The following ADARB2 variants were observed in gnomAD, a reference collection of about 807,000 sequenced individuals.
ADARB2 encodes the protein adenosine deaminase RNA specific B2 (inactive).
ADARB2 carries 25 observed loss-of-function variants against 62.2 expected under a neutral mutation model. That is an observed-to-expected ratio of 0.40 (90% CI 0.29 to 0.56). The LOEUF (loss-of-function observed/expected upper bound fraction) is 0.56. Ranked by LOEUF, ADARB2 falls within the 20% of genes least tolerant of loss-of-function variation. The probability of loss-of-function intolerance (pLI) is 0.43; values close to 1 mark genes in which losing one functional copy is unlikely to be tolerated. For synonymous variants in ADARB2, 572 were observed against 500.8 expected (o/e 1.14, Z -1.90); for missense variants, 1,071 against 1,077.4 (o/e 0.99, Z 0.08).
At chr10:1,260,552 A>G (rs866954661) in intron 4 of ADARB2, among the ~76,000 whole-genome samples, 3,857 of 151,976 alleles carry the variant, frequency 0.025, 62 homozygotes, top group Middle Eastern at 0.051. Context: ...CCCATTCACA[A>G]TTGCTTCAAA....
At chr10:1,651,738 C>T (rs1043566678) in intron 1 of ADARB2, among the ~76,000 whole-genome samples, 17 of 152,072 alleles carry the variant, frequency 1.1e-4, no homozygotes, top group African/African-American at 2.9e-4. Flanking sequence ...GCGTGGTGGG[C>T]GTGACTCTCG....
At chr10:1,690,182 A>C (rs901558818) in intron 1 of ADARB2, among the ~76,000 whole-genome samples, 4 of 152,244 alleles carry the variant, frequency 2.6e-5, no homozygotes, top group African/African-American at 9.6e-5. Context: ...CTAATGCCAC[A>C]GGGCTGTGCA....
rs938544944 is a variant in ADARB2, at chr10:1,633,706, A to G, written c.100+103345T>C. On this transcript the variant is annotated intron_variant, in intron 1 of 9. Coordinates refer to ENST00000381312, the MANE Select transcript of ADARB2 (RefSeq NM_018702.4). ...TGCACACACTATCTTATATTGAATA[A>G]TGCTGAGTAGTTTCCAAAATATTTT... Among the ~76,000 whole-genome samples, 3 of 152,088 alleles carry G rather than the reference A, an allele frequency of 2.0e-5. No individual in the cohort carries two copies. The East Asian group carries it at 5.8e-4, about 29-fold the overall frequency.
At chr10:1,403,424 A>G (rs1832681770) in intron 1 of ADARB2, among the ~76,000 whole-genome samples, 2 of 152,220 alleles carry the variant, frequency 1.3e-5, no homozygotes, top group Admixed American at 6.5e-5. Context: ...GGTCCTGGTC[A>G]GGTGTGGACT....
In ADARB2 at chr10:1,261,392, G is replaced by A. The variant is rs1362242460; in HGVS notation, c.1192+9563C>T. On this transcript the variant is annotated intron_variant, in intron 4 of 9. Transcript: ENST00000381312. ...ACCTACAAAATGGGAGAAAATTTTC[G>A]CAACCTACTCATCTGACAAAGGGCT... Among the ~76,000 whole-genome samples, 195 of 145,346 alleles carry A rather than the reference G, an allele frequency of 1.3e-3. 5 individuals are homozygous for A. The highest frequency in any genetic ancestry group is 2.8e-3 in the Admixed American group (42 of 14,782).
intron 3 of ADARB2, among the ~76,000 whole-genome samples, chr10:1,362,418 G>A (rs1050201747): frequency 3.9e-5 from 6 of 152,252 alleles, no homozygotes; most frequent in Admixed American, 1.3e-4. Flanking sequence ...CCTCCAACCG[G>A]TAACGCCCAG....
intron 1 of ADARB2, among the ~76,000 whole-genome samples, chr10:1,630,487 C>T (rs1366955155): frequency 2.6e-5 from 4 of 152,086 alleles, no homozygotes; most frequent in African/African-American, 7.2e-5. Flanking sequence ...TCAGAAGCCA[C>T]GAGTCATTTA....
At chr10:1,678,019 C>G (rs1480183797) in intron 1 of ADARB2, 3 of 288,478 alleles carry the variant, frequency 1.0e-5, no homozygotes, top group Non-Finnish European at 1.6e-5. Flanking sequence ...AACTTGGATT[C>G]TGACATCCAG....
At chr10:1,356,144 G>T (rs1832193069) in intron 3 of ADARB2, among the ~76,000 whole-genome samples, 1 of 152,146 alleles carries the variant, frequency 6.6e-6, no homozygotes, top group Non-Finnish European at 1.5e-5. Context: ...CCCAGGACAC[G>T]AAGAAAGCCA....
chr10:1,585,248 T>C (rs1455386203), intron 1 of ADARB2, among the ~76,000 whole-genome samples: 1 of 151,974 alleles, frequency 6.6e-6, no homozygotes, highest in Non-Finnish European at 1.5e-5. Context: ...TACTCACCAC[T>C]CAATTATGCT....
intron 1 of ADARB2, among the ~76,000 whole-genome samples, chr10:1,479,648 T>C (rs1288918523): frequency 1.3e-5 from 2 of 152,178 alleles, no homozygotes; most frequent in African/African-American, 4.8e-5. Flanking sequence ...GGGGAGAGGC[T>C]GAAGAGGGGT....
At chr10:1,275,986 T>C (rs1241434343) in intron 3 of ADARB2, among the ~76,000 whole-genome samples, 1 of 152,142 alleles carries the variant, frequency 6.6e-6, no homozygotes, top group Admixed American at 6.5e-5. Context: ...TGTGTCTTTA[T>C]AGCAGCATGA....
rs1344532153 is a variant in ADARB2, at chr10:1,525,516, A to AG, written c.101-146357dup. 4.6e-5 allele frequency among the ~76,000 whole-genome samples: 7 copies of AG among 152,068 alleles called. No individual in the cohort carries two copies. The East Asian group carries it at 1.4e-3, about 29-fold the overall frequency. On this transcript the variant is annotated intron_variant, in intron 1 of 9. Coordinates refer to ENST00000381312, the MANE Select transcript of ADARB2 (RefSeq NM_018702.4). ...CAGCCGTGCAGTTCTGTGGGTATCT[A>AG]GGGGGCCTTTTCAGTTCAAAGTACA...
intron 1 of ADARB2, chr10:1,556,935 A>G (rs1482040871): frequency 2.3e-6 from 1 of 440,170 alleles, no homozygotes; most frequent in African/African-American, 2.0e-5. Context: ...TGACCTCAAT[A>G]TTTATGAAGG....
At chr10:1,514,906 C>T (rs896534714) in intron 1 of ADARB2, among the ~76,000 whole-genome samples, 2 of 151,800 alleles carry the variant, frequency 1.3e-5, no homozygotes, top group African/African-American at 2.4e-5. Context: ...AGCAGTGGAG[C>T]GTAGGGTTTG....
chr10:1,495,534 C>T (rs1169015719), intron 1 of ADARB2, among the ~76,000 whole-genome samples: 7 of 152,218 alleles, frequency 4.6e-5, no homozygotes, highest in Non-Finnish European at 2.9e-5. Flanking sequence ...CCCAATGCTA[C>T]ATTTTGGCAG....
At chr10:1,597,966 T>C (rs909379106) in intron 1 of ADARB2, among the ~76,000 whole-genome samples, 1 of 152,230 alleles carries the variant, frequency 6.6e-6, no homozygotes, top group Non-Finnish European at 1.5e-5. Context: ...TCATATCTTT[T>C]ACAGCAACAT....
chr10:1,473,914 G>A (rs372826605), intron 1 of ADARB2, among the ~76,000 whole-genome samples: 4 of 7,796 alleles, frequency 5.1e-4, no homozygotes, highest in Admixed American at 1.8e-3. Flanking sequence ...GAGCTGAAGC[G>A]TGGCCGATTA....
intron 1 of ADARB2, among the ~76,000 whole-genome samples, chr10:1,509,631 A>G (rs1234514815): frequency 1.3e-5 from 2 of 152,228 alleles, no homozygotes; most frequent in African/African-American, 2.4e-5. Context: ...TGACTCACAG[A>G]AGAGGTATTA....
Sources: gnomAD v4.1 joint callset for allele counts (sites outside exome capture counted in the v4.1 genomes callset) on GRCh38, gnomAD v4.1.1 for gene constraint, MANE v1.5 for transcripts, NCBI Gene and HGNC (gene_info 2026-07-23, HGNC 2026-07-21) for gene names.